Variants in MUSK observed in about 807,000 individuals in gnomAD.
The protein encoded by MUSK is muscle, skeletal receptor tyrosine-protein kinase.
Under a neutral mutation model 88.7 loss-of-function variants are expected in MUSK, and 55 were observed. That is an observed-to-expected ratio of 0.62 (90% CI 0.50 to 0.78). The LOEUF (loss-of-function observed/expected upper bound fraction) is 0.78, where lower values mean the gene tolerates loss of function less well. MUSK is among the 30% of genes least tolerant of loss of function. The probability of loss-of-function intolerance (pLI) is 0.00; values close to 1 mark genes in which losing one functional copy is unlikely to be tolerated. For synonymous variants in MUSK, 387 were observed against 391.9 expected, an observed-to-expected ratio of 0.99 and a Z score of 0.15; for missense variants, 1,015 against 1,074.3, an observed-to-expected ratio of 0.94 and a Z score of 0.77.
At chr9:110,781,335 G>A (rs1564288354) in intron 11 of MUSK, among the ~76,000 whole-genome samples, 1 of 152,204 alleles carries the variant, frequency 6.6e-6, no homozygotes, top group Admixed American at 6.5e-5. Flanking sequence ...GGAGTGCAGT[G>A]GCACAATCTT....
In MUSK at chr9:110,801,844, T is replaced by A. The variant is rs921313984; in HGVS notation, c.*856T>A. On this transcript the variant is annotated 3_prime_UTR_variant, in exon 15 of 15. Coordinates refer to ENST00000374448, the MANE Select transcript of MUSK (RefSeq NM_005592.4). The stretch of plus-strand genomic sequence containing the variant: ...CTGTCCTTTTTTAGTTATTAAGCTA[T>A]TTTTTTCTTTTATTTCATTCATGTA... 6.6e-6 allele frequency among the ~76,000 whole-genome samples: 1 copy of A among 152,194 alleles called. No homozygotes were observed. Among genetic ancestry groups the A allele is most frequent in the Admixed American group, 6.5e-5 (1 of 15,280 alleles).
At chr9:110,694,419 AC>A in intron 3 of MUSK, among the ~76,000 whole-genome samples, 1 of 148,910 alleles carries the variant, frequency 6.7e-6, no homozygotes, top group African/African-American at 2.5e-5. Flanking sequence ...AAAAAACAAA[AC>A]CCAACAGGTC....
intron 5 of MUSK, among the ~76,000 whole-genome samples, chr9:110,700,736 G>A (rs979531714): frequency 6.6e-6 from 1 of 152,118 alleles, no homozygotes; most frequent in South Asian, 2.1e-4. Flanking sequence ...ATGTGGTGCT[G>A]GATAATGCAC....
At chr9:110,765,099 T>C (rs531884024) in intron 8 of MUSK, among the ~76,000 whole-genome samples, 2 of 152,332 alleles carry the variant, frequency 1.3e-5, no homozygotes, top group East Asian at 1.9e-4. Context: ...AAGTGTGTTT[T>C]GATGTATAAT....
chr9:110,723,692 A>C (rs1305292992), intron 5 of MUSK, among the ~76,000 whole-genome samples: 2 of 152,040 alleles, frequency 1.3e-5, no homozygotes, highest in Non-Finnish European at 2.9e-5. Flanking sequence ...CAGGCAAAAA[A>C]TTTTGATTCA....
At chr9:110,774,214 T>C (rs998446083) in intron 9 of MUSK, among the ~76,000 whole-genome samples, 2 of 152,230 alleles carry the variant, frequency 1.3e-5, no homozygotes, top group Non-Finnish European at 1.5e-5. Context: ...CAATTGAATA[T>C]TTAATTCAAA....
At chr9:110,748,675 T>C (rs2077209140) in intron 7 of MUSK, among the ~76,000 whole-genome samples, 1 of 152,094 alleles carries the variant, frequency 6.6e-6, no homozygotes, top group South Asian at 2.1e-4. Context: ...CGGATAGAGC[T>C]TGTGCCTAGG....
intron 2 of MUSK, among the ~76,000 whole-genome samples, chr9:110,686,674 G>C (rs1278827233): frequency 6.6e-6 from 1 of 152,132 alleles, no homozygotes; most frequent in Admixed American, 6.5e-5. Flanking sequence ...ATTGTTTAAT[G>C]AAAGAATAAA....
chr9:110,673,897 A>AT (rs1289771389), intron 1 of MUSK, among the ~76,000 whole-genome samples: 2 of 152,128 alleles, frequency 1.3e-5, no homozygotes, highest in East Asian at 1.9e-4. Flanking sequence ...ATTTTCTTCC[A>AT]TTTTTTTCTA....
At chr9:110,688,902 TG>T (rs2076235443) in intron 3 of MUSK, among the ~76,000 whole-genome samples, 3 of 148,026 alleles carry the variant, frequency 2.0e-5, no homozygotes, top group African/African-American at 7.4e-5. Context: ...ACTGTTTTAT[TG>T]TTTTTTTGTT....
intron 11 of MUSK, among the ~76,000 whole-genome samples, chr9:110,778,835 GAATA>G (rs1258646830): frequency 6.6e-6 from 1 of 151,952 alleles, no homozygotes; most frequent in Non-Finnish European, 1.5e-5. Context: ...ATTCATTCTT[GAATA>G]AATTCCACTA....
At chr9:110,711,439 C>T (rs2076670096) in intron 5 of MUSK, among the ~76,000 whole-genome samples, 1 of 152,106 alleles carries the variant, frequency 6.6e-6, no homozygotes, top group East Asian at 1.9e-4. Flanking sequence ...ATACAAGGTC[C>T]AGCCTTGCAG....
At chr9:110,753,969 C>T (rs568984762) in intron 7 of MUSK, among the ~76,000 whole-genome samples, 17 of 152,320 alleles carry the variant, frequency 1.1e-4, no homozygotes, top group Admixed American at 9.2e-4. Context: ...CCTGTTTCCT[C>T]CCAATGTTGG....
intron 3 of MUSK, among the ~76,000 whole-genome samples, chr9:110,689,333 TAA>T: frequency 8.5e-6 from 1 of 117,392 alleles, no homozygotes; most frequent in African/African-American, 3.5e-5. Flanking sequence ...AATATATATT[TAA>T]ATATAAATAT....
At chr9:110,764,376 GCTC>G (rs2077443369) in intron 8 of MUSK, among the ~76,000 whole-genome samples, 1 of 152,166 alleles carries the variant, frequency 6.6e-6, no homozygotes, top group African/African-American at 2.4e-5. Flanking sequence ...CTTGCTGTGA[GCTC>G]CTTTTAAAAA....
intron 1 of MUSK, 31 bp from the exon 2 acceptor site, chr9:110,682,643 T>C (rs751644392): frequency 1.1e-5 from 17 of 1,605,238 alleles, no homozygotes; most frequent in Non-Finnish European, 1.4e-5. Flanking sequence ...AATTCTAGAA[T>C]GTTCTCTTTT....
chr9:110,726,746 TTTTTG>T (rs201220288), intron 5 of MUSK, among the ~76,000 whole-genome samples: 3 of 151,652 alleles, frequency 2.0e-5, no homozygotes, highest in Admixed American at 6.6e-5. Flanking sequence ...AGGGAGAGAG[TTTTTG>T]TTTTGTTTTG....
chr9:110,689,575 TA>T (rs1272836644), intron 3 of MUSK, among the ~76,000 whole-genome samples: 1 of 105,500 alleles, frequency 9.5e-6, no homozygotes, highest in Non-Finnish European at 1.7e-5. Flanking sequence ...TATATTTATA[TA>T]TTTTTTACTA....
At chr9:110,746,638 G>C (rs1471592091) in intron 6 of MUSK, among the ~76,000 whole-genome samples, 1 of 152,050 alleles carries the variant, frequency 6.6e-6, no homozygotes, top group Non-Finnish European at 1.5e-5. Flanking sequence ...TTGATATCTT[G>C]GCTCTTTAAG....
Sources: allele counts gnomAD v4.1 joint callset (sites outside exome capture counted in the v4.1 genomes callset), GRCh38; gene constraint gnomAD v4.1.1; transcripts MANE v1.5; gene names NCBI Gene and HGNC (gene_info 2026-07-23, HGNC 2026-07-21).